The following LIPA variants were observed in gnomAD, a reference collection of about 807,000 sequenced individuals.
LIPA encodes lipase A, lysosomal acid type, also known as lysosomal acid lipase/cholesteryl ester hydrolase.
LIPA carries 26 observed loss-of-function variants against 40.6 expected under a neutral mutation model. The observed-to-expected ratio is 0.64, with a 90% CI of 0.47 to 0.89. The LOEUF is 0.89. Among genes scored for constraint, LIPA ranks in the 40% least tolerant of loss-of-function variants. The probability of loss-of-function intolerance (pLI) is 0.00; values close to 1 mark genes in which losing one functional copy is unlikely to be tolerated. For synonymous variants in LIPA, 188 were observed against 168.4 expected (o/e 1.12, Z -0.90); for missense variants, 455 against 479.6 (o/e 0.95, Z 0.48).
chr10:89,229,752 CAAAA>C (rs11388104), intron 3 of LIPA, among the ~76,000 whole-genome samples: 1 of 115,838 alleles, frequency 8.6e-6, no homozygotes. Flanking sequence ...GACTCAGTCT[CAAAA>C]AAAAAAAAAA....
chr10:89,218,841 T>A (rs1842661069), intron 8 of LIPA, among the ~76,000 whole-genome samples: 1 of 152,218 alleles, frequency 6.6e-6, no homozygotes, highest in Admixed American at 6.5e-5. Flanking sequence ...AAACTCTTTA[T>A]TTAGCAGCTG....
intron 1 of LIPA, among the ~76,000 whole-genome samples, chr10:89,289,105 CCTT>C (rs375221708): frequency 1.2e-3 from 167 of 135,542 alleles, no homozygotes; most frequent in African/African-American, 4.3e-3. Flanking sequence ...CAGTTTTTCT[CCTT>C]CTCAATGGTC....
chr10:89,294,005 G>A (rs959926774), intron 1 of LIPA, among the ~76,000 whole-genome samples: 8 of 152,208 alleles, frequency 5.3e-5, no homozygotes, highest in African/African-American at 1.9e-4. Flanking sequence ...TGTATCTTAA[G>A]AGCCTAGAAT....
intron 8 of LIPA, 30 bp from the exon 9 acceptor site, chr10:89,216,039 A>G (rs778679527): frequency 6.2e-6 from 9 of 1,444,112 alleles, no homozygotes; most frequent in South Asian, 4.6e-5. Context: ...GAAAAGAGTT[A>G]TCTGACACCA....
At chr10:89,286,838 T>C (rs1378011892) in intron 1 of LIPA, among the ~76,000 whole-genome samples, 2 of 152,192 alleles carry the variant, frequency 1.3e-5, no homozygotes, top group African/African-American at 4.8e-5. Context: ...ACAATGTATT[T>C]CTGAGTTGCA....
At chr10:89,303,131 C>T (rs1843456420) in intron 1 of LIPA, among the ~76,000 whole-genome samples, 5 of 152,156 alleles carry the variant, frequency 3.3e-5, no homozygotes, top group Middle Eastern at 6.8e-3. Flanking sequence ...GAATTTTTCC[C>T]ATTACAATAC....
At chr10:89,336,234 G>A (rs1428815703) in intron 1 of LIPA, among the ~76,000 whole-genome samples, 1 of 151,372 alleles carries the variant, frequency 6.6e-6, no homozygotes, top group East Asian at 1.9e-4. Flanking sequence ...AGGGAGGGAG[G>A]GAAAGAAGGA....
rs1455750205 is a variant in LIPA at position 89,213,687 on chromosome 10, C to T, written c.*1141G>A. The stretch of plus-strand genomic sequence containing the variant: ...AACAAGCATTGTACTGTTAGTGCAG[C>T]TAAAGTAATTATATCAGAAAAACAT... On this transcript the variant is annotated 3_prime_UTR_variant, in exon 10 of 10. Coordinates refer to ENST00000336233, the MANE Select transcript of LIPA (RefSeq NM_000235.4). 6.6e-6 allele frequency: 1 copy of T among 152,194 alleles called. No individual in the cohort carries two copies. Among genetic ancestry groups the T allele is most frequent in the African/African-American group, 2.4e-5 (1 of 41,432 alleles). 9.4% of individuals were successfully genotyped at this position (152,194 alleles called of 1,614,324 possible).
intron 1 of LIPA, among the ~76,000 whole-genome samples, chr10:89,332,963 TG>T (rs1191372789): frequency 2.0e-5 from 3 of 152,228 alleles, no homozygotes; most frequent in African/African-American, 7.2e-5. Context: ...GTTCGTCTTT[TG>T]TTTCTTATAT....
chr10:89,403,318 G>T, intron 2 of LIPA: 6 of 1,613,764 alleles, frequency 3.7e-6, no homozygotes, highest in Non-Finnish European at 5.1e-6. Flanking sequence ...GACCTGGCAA[G>T]AATGTATATA....
intron 1 of LIPA, among the ~76,000 whole-genome samples, chr10:89,262,348 T>C (rs1446724358): frequency 6.6e-6 from 1 of 152,222 alleles, no homozygotes; most frequent in African/African-American, 2.4e-5. Flanking sequence ...AAGTCATCCC[T>C]GGAGTCTGCT....
intron 1 of LIPA, among the ~76,000 whole-genome samples, chr10:89,313,195 ACT>A (rs1482895021): frequency 1.3e-5 from 2 of 152,026 alleles, no homozygotes; most frequent in Non-Finnish European, 2.9e-5. Context: ...GGAGCCTGAG[ACT>A]CTGTATTTCT....
intron 2 of LIPA, chr10:89,384,158 C>A (rs1433420273): frequency 6.2e-7 from 1 of 1,613,998 alleles, no homozygotes; most frequent in African/African-American, 1.3e-5. Context: ...GAGACAACAC[C>A]CACTTCTGCC....
intron 8 of LIPA, among the ~76,000 whole-genome samples, chr10:89,221,854 C>T (rs1842702710): frequency 6.6e-6 from 1 of 152,114 alleles, no homozygotes; most frequent in Non-Finnish European, 1.5e-5. Flanking sequence ...CATTCAATAT[C>T]TATGGATATG....
chr10:89,334,685 G>A (rs1843707680), intron 1 of LIPA, among the ~76,000 whole-genome samples: 1 of 150,770 alleles, frequency 6.6e-6, no homozygotes, highest in Non-Finnish European at 1.5e-5. Context: ...TACAGGCGGG[G>A]TTTCATCATG....
chr10:89,271,393 G>T (rs1269197446), intron 1 of LIPA, among the ~76,000 whole-genome samples: 2 of 152,190 alleles, frequency 1.3e-5, no homozygotes, highest in African/African-American at 4.8e-5. Context: ...ACATTGATTT[G>T]TAGCTTCATT....
At chr10:89,343,928 C>A (rs150277061), upstream of LIPA, among the ~76,000 whole-genome samples, 4 of 152,230 alleles carry the variant, frequency 2.6e-5, no homozygotes, top group East Asian at 7.7e-4. Flanking sequence ...GGAGTTAGTC[C>A]AAGTATCATT....
chr10:89,231,114 A>G (rs777580362), intron 3 of LIPA, among the ~76,000 whole-genome samples: 1 of 152,244 alleles, frequency 6.6e-6, no homozygotes, highest in Non-Finnish European at 1.5e-5. Context: ...AAAGGAAAAA[A>G]AAGCAAAATA....
intron 1 of LIPA, chr10:89,339,154 C>T: frequency 1.2e-6 from 2 of 1,614,030 alleles, no homozygotes; most frequent in Non-Finnish European, 1.7e-6. Flanking sequence ...GGAAGAAAAG[C>T]CCAACAACCC....
Sources: allele counts gnomAD v4.1 joint callset (sites outside exome capture counted in the v4.1 genomes callset), GRCh38; gene constraint gnomAD v4.1.1; transcripts MANE v1.5; gene names NCBI Gene and HGNC (gene_info 2026-07-23, HGNC 2026-07-21).